Variants in SHANK2 observed in about 807,000 individuals in gnomAD.
SHANK2 encodes the protein SH3 and multiple ankyrin repeat domains 2, also known as SH3 and multiple ankyrin repeat domains protein 2.
A neutral mutation model predicts 133.7 loss-of-function variants in SHANK2; 43 were observed. The ratio of observed to expected loss-of-function variants is 0.32; its 90% CI spans 0.25 to 0.41. The LOEUF (loss-of-function observed/expected upper bound fraction) is 0.41. SHANK2 is among the 10% of genes least tolerant of loss of function. The pLI, the probability that SHANK2 is intolerant of heterozygous loss-of-function variation, is 1.00. For missense variants in SHANK2, 1,994 were observed against 2,235.8 expected (o/e 0.89, Z 2.18); for synonymous variants, 1,017 against 952.8 (o/e 1.07, Z -1.24).
At chr11:70,946,583 T>G (rs1334023220) in intron 10 of SHANK2, among the ~76,000 whole-genome samples, 1 of 146,304 alleles carries the variant, frequency 6.8e-6, no homozygotes, top group Non-Finnish European at 1.5e-5. Context: ...TAACCAACAC[T>G]TCCCAGGATC....
intron 11 of SHANK2, among the ~76,000 whole-genome samples, chr11:70,890,332 C>T (rs1318966031): frequency 6.6e-6 from 1 of 151,842 alleles, no homozygotes; most frequent in Non-Finnish European, 1.5e-5. Context: ...GGTGAAACCC[C>T]GTCTCTACTA....
intron 17 of SHANK2, among the ~76,000 whole-genome samples, chr11:70,627,307 A>G (rs548483429): frequency 1.3e-5 from 2 of 152,290 alleles, no homozygotes; most frequent in Admixed American, 6.5e-5. Flanking sequence ...CACCCACCAC[A>G]CTGCCCTTGA....
At chr11:70,591,793 G>C (rs567698724) in intron 17 of SHANK2, among the ~76,000 whole-genome samples, 18 of 152,202 alleles carry the variant, frequency 1.2e-4, no homozygotes, top group Admixed American at 2.6e-4. Flanking sequence ...AAGGAGGGTG[G>C]ATCACTTGAG....
intron 2 of SHANK2, among the ~76,000 whole-genome samples, chr11:71,215,661 G>GTTA (rs1954396986): frequency 6.6e-6 from 1 of 151,856 alleles, no homozygotes; most frequent in Non-Finnish European, 1.5e-5. Flanking sequence ...TCCCACTCAG[G>GTTA]GCCCTGCTAA....
At chr11:70,723,173 G>T (rs1229104015) in intron 14 of SHANK2, among the ~76,000 whole-genome samples, 1 of 152,202 alleles carries the variant, frequency 6.6e-6, no homozygotes, top group East Asian at 1.9e-4. Flanking sequence ...AGCATGGGTT[G>T]GGTCTCAGAC....
At chr11:70,720,866 C>A (rs782065832) in intron 14 of SHANK2, among the ~76,000 whole-genome samples, 8 of 152,252 alleles carry the variant, frequency 5.3e-5, no homozygotes, top group Non-Finnish European at 1.2e-4. Context: ...CATGTATGCA[C>A]ACCCATGCAT....
At chr11:70,794,149 T>C (rs1591852389) in intron 14 of SHANK2, among the ~76,000 whole-genome samples, 1 of 151,742 alleles carries the variant, frequency 6.6e-6, no homozygotes, top group East Asian at 1.9e-4. Context: ...GGTGTGGTGG[T>C]GGGAGCCTGT....
chr11:71,091,188 C>G (rs1274047431), intron 8 of SHANK2, among the ~76,000 whole-genome samples: 1 of 152,164 alleles, frequency 6.6e-6, no homozygotes, highest in Non-Finnish European at 1.5e-5. Flanking sequence ...AAAGACCAGT[C>G]ATTACTGCTT....
chr11:70,953,304 T>C (rs945071220), intron 10 of SHANK2, among the ~76,000 whole-genome samples: 3 of 151,896 alleles, frequency 2.0e-5, no homozygotes, highest in African/African-American at 7.3e-5. Flanking sequence ...AGGATACATT[T>C]ACACAGGAAA....
intron 17 of SHANK2, among the ~76,000 whole-genome samples, chr11:70,558,940 G>T (rs1309174999): frequency 5.9e-5 from 9 of 152,204 alleles, no homozygotes; most frequent in African/African-American, 1.9e-4. Flanking sequence ...TGTGCTCGGG[G>T]CAATGTGCAC....
At chr11:71,161,634 T>C (rs1953020724) in intron 2 of SHANK2, among the ~76,000 whole-genome samples, 1 of 152,266 alleles carries the variant, frequency 6.6e-6, no homozygotes, top group South Asian at 2.1e-4. Flanking sequence ...AGAAAATCTC[T>C]GAATCTACCT....
intron 17 of SHANK2, among the ~76,000 whole-genome samples, chr11:70,576,964 C>T (rs1390001886): frequency 1.3e-5 from 2 of 152,170 alleles, no homozygotes; most frequent in African/African-American, 2.4e-5. Context: ...ATGAGTATCA[C>T]GCAGTTAGCG....
chr11:70,571,120 T>C (rs928806060), intron 17 of SHANK2, among the ~76,000 whole-genome samples: 2 of 152,146 alleles, frequency 1.3e-5, no homozygotes, highest in African/African-American at 4.8e-5. Flanking sequence ...TCTGACCCTG[T>C]CCAGCCTCTC....
intron 12 of SHANK2, among the ~76,000 whole-genome samples, chr11:70,814,152 C>T (rs1948337698): frequency 6.6e-6 from 1 of 152,152 alleles, no homozygotes; most frequent in African/African-American, 2.4e-5. Context: ...GGCGCAACCC[C>T]ATCTCTACTA....
At chr11:71,229,615 A>G (rs1449296826) in intron 1 of SHANK2, among the ~76,000 whole-genome samples, 3 of 151,840 alleles carry the variant, frequency 2.0e-5, no homozygotes, top group Non-Finnish European at 2.9e-5. Context: ...TTACAAATAC[A>G]AAAATTAGCT....
chr11:70,472,470 A>G lies in SHANK2; in HGVS notation c.*399T>C. On this transcript the variant is annotated 3_prime_UTR_variant, in exon 26 of 26. Coordinates refer to ENST00000601538, the MANE Select transcript of SHANK2 (RefSeq NM_012309.5). This position sits in a 1 kb window ranked among gnomAD's most constrained non-coding sequence, Gnocchi z 4.4. ...GCCTGGGGTGGTGAGAGCTGCCCGG[A>G]AAGCAGAGGACGGAGGTCTCAGGAG... 3.6e-6 allele frequency: 1 copy of G among 274,596 alleles called. No homozygotes were observed. Among genetic ancestry groups the G allele is most frequent in the Non-Finnish European group, 7.0e-6 (1 of 142,096 alleles). The allele number at this position is 274,596 out of a possible 1,614,324, so 17.0% of individuals were successfully genotyped here.
intron 1 of SHANK2, among the ~76,000 whole-genome samples, chr11:71,242,248 G>A (rs1179571368): frequency 6.6e-6 from 1 of 152,168 alleles, no homozygotes; most frequent in Non-Finnish European, 1.5e-5. Context: ...TGGTTTGCTA[G>A]TGTTTAGTGG....
intron 17 of SHANK2, among the ~76,000 whole-genome samples, chr11:70,528,432 A>T (rs1350204326): frequency 6.6e-6 from 1 of 152,176 alleles, no homozygotes; most frequent in African/African-American, 2.4e-5. Flanking sequence ...AGGTCCCACA[A>T]GAACACCCCA....
chr11:70,584,676 C>A (rs1044353635), intron 17 of SHANK2, among the ~76,000 whole-genome samples: 20 of 152,326 alleles, frequency 1.3e-4, no homozygotes, highest in African/African-American at 4.8e-4. Context: ...ACATTTCCCC[C>A]CTCTCCCTCT....
Sources: allele counts gnomAD v4.1 joint callset (sites outside exome capture counted in the v4.1 genomes callset), GRCh38; gene constraint gnomAD v4.1.1; non-coding constraint Gnocchi (gnomAD v3.1); transcripts MANE v1.5; gene names NCBI Gene and HGNC (gene_info 2026-07-23, HGNC 2026-07-21).